The following USP18 variants were observed in gnomAD, a reference collection of about 807,000 sequenced individuals.
USP18 encodes the protein ubl carboxyl-terminal hydrolase 18.
Under a neutral mutation model 48.7 loss-of-function variants are expected in USP18, and 11 were observed. The ratio of observed to expected loss-of-function variants is 0.23; its 90% CI spans 0.14 to 0.37. The LOEUF (loss-of-function observed/expected upper bound fraction) is 0.37. Ranked by LOEUF, USP18 falls within the 10% of genes least tolerant of loss-of-function variation. USP18 has a pLI of 1.00. For missense variants in USP18, 285 were observed against 436.4 expected, an observed-to-expected ratio of 0.65 and a Z score of 3.09; for synonymous variants, 114 against 163.2, an observed-to-expected ratio of 0.70 and a Z score of 2.30.
Position 18,160,194 on chromosome 22 carries a change from T to C in USP18, c.180T>C (p.Ile60=). 1.2e-6 allele frequency: 2 copies of C among 1,614,236 alleles called. No individual in the cohort carries two copies. The highest frequency in any genetic ancestry group is 1.7e-6 in the Non-Finnish European group (2 of 1,180,016). ...TAGGCCTGGTTGGTTTACACAACAT[T>C]GGACAGACCTGCTGCCTTAACTCCT... ...YPHGLVGLHN[I]GQTCCLNSLI... The change falls in exon 3 of 11, where the codon ATT becomes ATC. Residue 60 remains isoleucine (I), a synonymous_variant. Coordinates refer to ENST00000215794, the MANE Select transcript of USP18 (RefSeq NM_017414.4).
intron 10 of USP18, among the ~76,000 whole-genome samples, chr22:18,174,230 TTTC>T (rs1024473899): frequency 2.7e-5 from 4 of 148,162 alleles, no homozygotes; most frequent in South Asian, 2.1e-4. Context: ...TTTCTTTTCT[TTTC>T]TTTTTTTTTT....
intron 4 of USP18, among the ~76,000 whole-genome samples, chr22:18,162,253 A>C (rs560241028): frequency 1.3e-5 from 2 of 152,054 alleles, no homozygotes; most frequent in East Asian, 3.9e-4. Flanking sequence ...AAAAGAGAAA[A>C]CATGTTCTAC....
intron 1 of USP18, among the ~76,000 whole-genome samples, chr22:18,151,275 T>A (rs1448181831): frequency 3.9e-5 from 6 of 152,208 alleles, no homozygotes; most frequent in Non-Finnish European, 2.9e-5. Context: ...TTGAGACCCC[T>A]GAAAATCTGG....
intron 2 of USP18, among the ~76,000 whole-genome samples, chr22:18,158,797 C>T (rs189576479): frequency 8.2e-4 from 125 of 152,328 alleles, no homozygotes; most frequent in Middle Eastern, 3.4e-3. Context: ...TGGGCAGAGA[C>T]CTCTCCGCTG....
intron 5 of USP18, 93 bp downstream of exon 5, chr22:18,167,427 G>A: frequency 6.9e-7 from 1 of 1,458,964 alleles, no homozygotes; most frequent in South Asian, 1.2e-5. Context: ...AGGAATAAAA[G>A]AGTTAATCCC....
chr22:18,160,493 G>A (rs1027605306), intron 3 of USP18, among the ~76,000 whole-genome samples: 2 of 151,620 alleles, frequency 1.3e-5, no homozygotes, highest in East Asian at 2.0e-4. Flanking sequence ...TAGTAGAGAC[G>A]GGGTTTCACC....
At position 18,173,802 on chromosome 22, in the gene USP18, G is replaced by A. The variant is rs768089543; in HGVS notation, c.1033G>A (p.Glu345Lys). Reference sequence around the variant, plus strand: ...TGTTTCTGGCTTCCAGGTGTCCTGGGAAGACATCCAGTGTACCTACGGAAA... The same window carrying A: ...TGTTTCTGGCTTCCAGGTGTCCTGGAAAGACATCCAGTGTACCTACGGAAA... ...NDSNICLVSW[E>K]DIQCTYGNPN... The change falls in exon 10 of 11, where the codon GAA becomes AAA. Residue 345 changes from glutamate to lysine, a missense_variant. Glu to Lys is a moderately conservative substitution (Grantham distance 56). Transcript: ENST00000215794. The A allele has an allele frequency of 1.9e-6, 3 of 1,608,030 alleles. No individual in the cohort carries two copies. Among genetic ancestry groups the A allele is most frequent in the Admixed American group, 1.7e-5 (1 of 59,644 alleles).
rs1929291292 is a variant in USP18 at position 18,160,250 on chromosome 22, TCAC to T, written c.239_241del (p.Thr80del). ...CAGGTGTTCGTAATGAATGTGGACT[TCAC>T]CAGGATATTGAAGAGGTAAGACTGT... On this transcript the variant is annotated inframe_deletion, in exon 3 of 11. Transcript: ENST00000215794. 1 of 1,614,076 alleles carries T rather than the reference TCAC, an allele frequency of 6.2e-7. No individual in the cohort carries two copies. Among genetic ancestry groups the T allele is most frequent in the Non-Finnish European group, 8.5e-7 (1 of 1,180,006 alleles).
rs149306114 is a variant in USP18, at chr22:18,157,736, G to A, written c.73G>A (p.Asp25Asn). 2.6e-3 allele frequency: 4,179 copies of A among 1,614,152 alleles called. 142 individuals are homozygous for A. In the South Asian group the frequency reaches 0.044, roughly 17 times the overall value. Residue 25 changes from aspartate to asparagine, a missense_variant, in exon 2 of 11, where the codon GAT becomes AAT. By Grantham distance (23) the Asp-to-Asn change is conservative. Transcript: ENST00000215794. Reference protein sequence around the residue: ...ILAESSQSPADLEEKKEEDSN... With the variant: ...ILAESSQSPANLEEKKEEDSN... ...GGCTGAGTCCTCGCAGTCCCCGGCA[G>A]ATCTTGAAGAAAAGAAGGAAGAAGA...
intron 1 of USP18, among the ~76,000 whole-genome samples, chr22:18,156,199 T>A (rs1655264733): frequency 6.6e-6 from 1 of 152,150 alleles, no homozygotes; most frequent in South Asian, 2.1e-4. Context: ...TGTGTCTAGC[T>A]CAGGGATTGT....
chr22:18,173,668 T>C (rs1289052157), intron 9 of USP18, 125 bp from the exon 10 acceptor site: 9 of 1,369,466 alleles, frequency 6.6e-6, no homozygotes, highest in Admixed American at 2.1e-5. Flanking sequence ...CTGCTGTTGC[T>C]CCAGGCTCTT....
intron 2 of USP18, among the ~76,000 whole-genome samples, chr22:18,159,309 G>A (rs906849345): frequency 3.9e-5 from 6 of 152,080 alleles, no homozygotes; most frequent in Non-Finnish European, 8.8e-5. Flanking sequence ...TCCCGCCTCG[G>A]CCTCCCAAAG....
At chr22:18,158,239 G>T (rs1435151699) in intron 2 of USP18, among the ~76,000 whole-genome samples, 1 of 152,172 alleles carries the variant, frequency 6.6e-6, no homozygotes, top group African/African-American at 2.4e-5. Flanking sequence ...AGTGAGCTGA[G>T]ATCACGCCAC....
intron 1 of USP18, among the ~76,000 whole-genome samples, chr22:18,156,303 T>A (rs975133560): frequency 2.6e-5 from 4 of 152,178 alleles, no homozygotes; most frequent in African/African-American, 7.2e-5. Flanking sequence ...ATCAGCAGGA[T>A]GTGGGTGGGG....
intron 10 of USP18, among the ~76,000 whole-genome samples, chr22:18,175,874 G>A (rs1341816590): frequency 2.0e-5 from 3 of 150,090 alleles, no homozygotes; most frequent in African/African-American, 7.6e-5. Flanking sequence ...AGCTACTCAG[G>A]AAGCTAAAAC....
chr22:18,160,258 A>T lies in USP18; in HGVS notation c.244A>T (p.Ile82Leu). Reference sequence around the variant, plus strand: ...CGTAATGAATGTGGACTTCACCAGGATATTGAAGAGGTAAGACTGTTCTTC... The same window carrying T: ...CGTAATGAATGTGGACTTCACCAGGTTATTGAAGAGGTAAGACTGTTCTTC... Reference protein sequence around the residue: ...VFVMNVDFTRILKRITVPRGA... With the variant: ...VFVMNVDFTRLLKRITVPRGA... The change falls in exon 3 of 11, where the codon ATA (isoleucine) becomes TTA (leucine). Residue 82 changes from isoleucine to leucine, a missense_variant. By Grantham distance (5) the Ile-to-Leu change is conservative. Around this residue, in one of 5 missense-constraint regions of USP18, gnomAD observed 199 missense variants for 239.6 expected, o/e 0.83. Transcript: ENST00000215794. 1 of 1,614,076 alleles carries T rather than the reference A, an allele frequency of 6.2e-7. No individual in the cohort carries two copies. The highest frequency in any genetic ancestry group is 8.5e-7 in the Non-Finnish European group (1 of 1,179,960).
At chr22:18,173,601 C>T (rs1168528254) in intron 9 of USP18, among the ~76,000 whole-genome samples, 192 bp from the exon 10 acceptor site, 1 of 152,130 alleles carries the variant, frequency 6.6e-6, no homozygotes, top group Non-Finnish European at 1.5e-5. Context: ...TAAGCATGAC[C>T]AAGTTTAAAC....
intron 1 of USP18, among the ~76,000 whole-genome samples, chr22:18,154,567 C>T (rs1177773542): frequency 6.6e-6 from 1 of 152,102 alleles, no homozygotes; most frequent in Non-Finnish European, 1.5e-5. Context: ...CTCCTTCACC[C>T]TTCTCAGTAT....
intron 10 of USP18, among the ~76,000 whole-genome samples, chr22:18,175,781 C>T (rs1011586303): frequency 9.4e-5 from 14 of 148,670 alleles, no homozygotes; most frequent in Non-Finnish European, 1.8e-4. Context: ...TCAAGACCAG[C>T]CTGGGCAACA....
Sources: gnomAD v4.1 joint callset for allele counts (sites outside exome capture counted in the v4.1 genomes callset) on GRCh38, gnomAD v4.1.1 for gene constraint, gnomAD v4.1.1 regional missense constraint, MANE v1.5 for transcripts, NCBI Gene and HGNC (gene_info 2026-07-23, HGNC 2026-07-21) for gene names.